CLDN14: variants seen among roughly 807,000 people sequenced by gnomAD.
CLDN14 encodes claudin-14.
In CLDN14, 2 loss-of-function variants were observed where a neutral mutation model predicts 2.1. The observed-to-expected ratio is 0.96, with a 90% CI of 0.39 to 3.01. The LOEUF is 3.01. Among genes scored for constraint, CLDN14 ranks in the 30% most tolerant of loss-of-function variants. The pLI is 0.09. For missense variants in CLDN14, 298 were observed against 328.0 expected (o/e 0.91, Z 0.71); for synonymous variants, 136 against 154.4 (o/e 0.88, Z 0.88).
At chr21:36,490,949 G>GACAGACACACACAC (rs775319552) in intron 2 of CLDN14, among the ~76,000 whole-genome samples, 2 of 148,756 alleles carry the variant, frequency 1.3e-5, no homozygotes, top group African/African-American at 5.0e-5. Context: ...CAAGTGCACA[G>GACAGACACACACAC]ACACACACAC....
intron 1 of CLDN14, among the ~76,000 whole-genome samples, chr21:36,518,340 C>T (rs1449288477): frequency 6.6e-6 from 1 of 152,220 alleles, no homozygotes. Context: ...GTGGCTCATG[C>T]CTGTAATCCC....
chr21:36,547,668 G>A (rs1357775039), intron 1 of CLDN14, among the ~76,000 whole-genome samples: 1 of 152,182 alleles, frequency 6.6e-6, no homozygotes, highest in Non-Finnish European at 1.5e-5. Flanking sequence ...ACTCCAGGAA[G>A]CAGGTCTCCC....
At chr21:36,574,721 T>G (rs1306712547) in intron 1 of CLDN14, among the ~76,000 whole-genome samples, 1 of 152,210 alleles carries the variant, frequency 6.6e-6, no homozygotes. Flanking sequence ...CTAAATTAAT[T>G]TTTTTAAGTA....
At chr21:36,539,848 AGAGT>A (rs926962778) in intron 1 of CLDN14, among the ~76,000 whole-genome samples, 47 of 143,446 alleles carry the variant, frequency 3.3e-4, no homozygotes, top group African/African-American at 1.1e-3. Context: ...GTGTGTGTGC[AGAGT>A]GAGTGTGTGT....
chr21:36,565,971 T>C (rs1479042782), intron 1 of CLDN14, among the ~76,000 whole-genome samples: 1 of 152,216 alleles, frequency 6.6e-6, no homozygotes, highest in Non-Finnish European at 1.5e-5. Context: ...TTTACAGTTA[T>C]TTTTTAGTCT....
Position 36,461,583 on chromosome 21 carries a change from G to A in CLDN14, c.113C>T (p.Thr38Ile). ...GTAGGACACGGCCGTGAGGATGTTG[G>A]TGCCCACGTGCGCTGTCCTCCGCCA... Reference protein sequence around the residue: ...PHWRRTAHVGTNILTAVSYLK... With the variant: ...PHWRRTAHVGINILTAVSYLK... The change falls in exon 2 of 2, where the codon ACC becomes ATC. Residue 38 changes from threonine (T) to isoleucine (I), a missense_variant. By Grantham distance (89) the Thr-to-Ile change is moderately conservative (BLOSUM62 -1). Coordinates refer to ENST00000399135, the MANE Select transcript of CLDN14 (RefSeq NM_001146079.2). 6.2e-7 allele frequency: 1 copy of A among 1,611,848 alleles called. No homozygotes were observed. The highest frequency in any genetic ancestry group is 8.5e-7 in the Non-Finnish European group (1 of 1,179,338).
intron 2 of CLDN14, among the ~76,000 whole-genome samples, chr21:36,491,340 G>A (rs1010212734): frequency 7.2e-5 from 11 of 152,068 alleles, no homozygotes; most frequent in South Asian, 2.1e-4. Flanking sequence ...CCAGCTGGGC[G>A]CCTCTTCCAT....
At chr21:36,558,067 C>T (rs945279748) in intron 1 of CLDN14, among the ~76,000 whole-genome samples, 1 of 152,248 alleles carries the variant, frequency 6.6e-6, no homozygotes, top group South Asian at 2.1e-4. Context: ...ATTACTGTCA[C>T]CCTTGTCAAA....
chr21:36,476,909 C>G (rs1431262054), intron 1 of CLDN14, among the ~76,000 whole-genome samples: 3 of 152,214 alleles, frequency 2.0e-5, no homozygotes, highest in Non-Finnish European at 4.4e-5. Context: ...TTTCAGATTG[C>G]AGAAATCCTT....
At chr21:36,502,088 C>T (rs568468514) in intron 2 of CLDN14, among the ~76,000 whole-genome samples, 60 of 152,206 alleles carry the variant, frequency 3.9e-4, no homozygotes, top group South Asian at 2.1e-3. Context: ...TGTAACACAC[C>T]ACAATGAGCC....
At chr21:36,467,027 G>C (rs557636349) in intron 1 of CLDN14, among the ~76,000 whole-genome samples, 62 of 152,288 alleles carry the variant, frequency 4.1e-4, no homozygotes, top group Admixed American at 1.7e-3. Flanking sequence ...GAAAACGACA[G>C]AGCGGTAAAG....
intron 1 of CLDN14, among the ~76,000 whole-genome samples, chr21:36,528,322 A>G (rs1343070798): frequency 6.6e-6 from 1 of 152,204 alleles, no homozygotes; most frequent in Non-Finnish European, 1.5e-5. Flanking sequence ...CTGAGAGGCC[A>G]GGAATATTAT....
chr21:36,559,896 A>G (rs73902594), intron 1 of CLDN14, among the ~76,000 whole-genome samples: 3,318 of 152,322 alleles, frequency 0.022, 128 homozygotes, highest in African/African-American at 0.075. Context: ...TATTCTCCTT[A>G]ATGGTGACTT....
intron 1 of CLDN14, among the ~76,000 whole-genome samples, chr21:36,545,988 A>G (rs947754593): frequency 3.3e-5 from 5 of 152,166 alleles, no homozygotes; most frequent in Admixed American, 6.5e-5. Flanking sequence ...GGTGGCCTCA[A>G]TGGGTCCTCC....
At chr21:36,550,816 G>A (rs8126947) in intron 1 of CLDN14, among the ~76,000 whole-genome samples, 14,282 of 152,236 alleles carry the variant, frequency 0.094, 1,255 homozygotes, top group African/African-American at 0.23. Flanking sequence ...CACCAGCCAC[G>A]GTCCCTACAG....
chr21:36,565,238 G>A lies in CLDN14; in HGVS notation c.-220+11173C>T, dbSNP rs545049331. Among the ~76,000 whole-genome samples the A allele has an allele frequency of 1.4e-4, 22 of 152,284 alleles. No individual in the cohort carries two copies. The South Asian group carries it at 4.4e-3, about 30-fold the overall frequency. On this transcript the variant is annotated intron_variant, in intron 1 of 2. Transcript: ENST00000342108. ...GCTGCACCCCTCATGTGAATTTGAG[G>A]TGCAGGGGGTCAGTTTGTCTCTCAG...
intron 1 of CLDN14, among the ~76,000 whole-genome samples, chr21:36,569,552 T>C (rs1370484638): frequency 6.6e-6 from 1 of 152,226 alleles, no homozygotes; most frequent in Non-Finnish European, 1.5e-5. Context: ...AAATGAATTA[T>C]CAAATTAGAA....
chr21:36,530,986 T>A (rs977991280), intron 1 of CLDN14, among the ~76,000 whole-genome samples: 4 of 152,154 alleles, frequency 2.6e-5, no homozygotes, highest in African/African-American at 9.7e-5. Flanking sequence ...ATCCCAGCAC[T>A]TCGGGAAGCC....
At chr21:36,468,184 T>C (rs1391320951) in intron 1 of CLDN14, among the ~76,000 whole-genome samples, 1 of 152,212 alleles carries the variant, frequency 6.6e-6, no homozygotes, top group African/African-American at 2.4e-5. Flanking sequence ...CCCTTCAACG[T>C]TGATGTTCAG....
Sources: gnomAD v4.1 joint callset for allele counts (sites outside exome capture counted in the v4.1 genomes callset) on GRCh38, gnomAD v4.1.1 for gene constraint, MANE v1.5 for transcripts, NCBI Gene and HGNC (gene_info 2026-07-23, HGNC 2026-07-21) for gene names.